Variants in LITAF observed in about 807,000 individuals in gnomAD.
LITAF encodes lipopolysaccharide-induced tumor necrosis factor-alpha factor.
Under a neutral mutation model 14.5 loss-of-function variants are expected in LITAF, and 9 were observed. The observed-to-expected ratio is 0.62, with a 90% CI of 0.37 to 1.08. The LOEUF is 1.08. LITAF is among the 50% of genes least tolerant of loss of function. The probability of loss-of-function intolerance (pLI) is 0.01; values close to 1 mark genes in which losing one functional copy is unlikely to be tolerated. For synonymous variants in LITAF, 98 were observed against 88.2 expected, an observed-to-expected ratio of 1.11 and a Z score of -0.62; for missense variants, 206 against 213.4, an observed-to-expected ratio of 0.97 and a Z score of 0.22.
upstream of LITAF, among the ~76,000 whole-genome samples, chr16:11,598,673 C>T (rs1204909206): frequency 6.6e-6 from 1 of 152,100 alleles, no homozygotes; most frequent in East Asian, 1.9e-4. Flanking sequence ...AAAGTTCCCT[C>T]TGGTCTCTTT....
intron 1 of LITAF, among the ~76,000 whole-genome samples, chr16:11,581,906 A>T (rs940478380): frequency 2.0e-5 from 3 of 152,298 alleles, no homozygotes; most frequent in Admixed American, 1.3e-4. Flanking sequence ...AGAAGTAGAG[A>T]AAAGAACTGT....
intron 1 of LITAF, among the ~76,000 whole-genome samples, chr16:11,594,135 G>A (rs1164182943): frequency 2.6e-5 from 4 of 151,584 alleles, no homozygotes; most frequent in Non-Finnish European, 5.9e-5. Flanking sequence ...GCAGTGAGCC[G>A]AGATGGCGCC....
chr16:11,621,355 C>T (rs967490395), intron 3 of LITAF, among the ~76,000 whole-genome samples: 18 of 152,180 alleles, frequency 1.2e-4, no homozygotes, highest in African/African-American at 3.9e-4. Flanking sequence ...TGAGCCACTG[C>T]ACCCAGCCCC....
chr16:11,563,803 G>C (rs1488065504), intron 1 of LITAF, among the ~76,000 whole-genome samples: 1 of 152,100 alleles, frequency 6.6e-6, no homozygotes, highest in Non-Finnish European at 1.5e-5. Context: ...CCTGGAGGCA[G>C]GGTGCCCAAA....
rs184785795 is a variant in LITAF at position 11,627,087 on chromosome 16, G to A, written c.85+6446C>T. Among the ~76,000 whole-genome samples the A allele has an allele frequency of 1.7e-3, 260 of 152,164 alleles. 1 individual carries two copies. Among genetic ancestry groups the A allele is most frequent in the African/African-American group, 5.2e-3 (214 of 41,512 alleles). ...CCTCTCTTACCTTTGCTGCAGACGC[G>A]TCCCTCCTTCCTAGCCCCAGGGGCT... On this transcript the variant is annotated intron_variant, in intron 3 of 3. Coordinates refer to the LITAF transcript ENST00000574848.
chr16:11,553,427 A>G lies in LITAF; in HGVS notation c.377+106T>C. 1 of 1,258,830 alleles carries G rather than the reference A, an allele frequency of 7.9e-7. No homozygotes were observed. The highest frequency in any genetic ancestry group is 1.1e-6 in the Non-Finnish European group (1 of 888,188). 78.0% of individuals were successfully genotyped at this position (1,258,830 alleles called of 1,614,324 possible). On this transcript the variant is annotated intron_variant, in intron 3 of 3. Coordinates refer to ENST00000622633, the MANE Select transcript of LITAF (RefSeq NM_001136472.2). The surrounding 1 kb of genome is among the most constrained non-coding windows in gnomAD (Gnocchi z 7.7). The stretch of plus-strand genomic sequence containing the variant: ...TTCCATCTCAAAAAAAAACAACACA[A>G]ATGTCTGGCCCTGAATGTCAAGCAT...
At chr16:11,565,999 A>C (rs1219768651) in intron 1 of LITAF, among the ~76,000 whole-genome samples, 3 of 151,996 alleles carry the variant, frequency 2.0e-5, no homozygotes, top group Non-Finnish European at 4.4e-5. Context: ...CAGTTTTCCC[A>C]TCCGTAAAAT....
chr16:11,615,034 C>T (rs1230204419), intron 3 of LITAF, among the ~76,000 whole-genome samples: 1 of 152,082 alleles, frequency 6.6e-6, no homozygotes, highest in South Asian at 2.1e-4. Context: ...GCAGCTGGCA[C>T]GGGGTGGATG....
At chr16:11,594,396 C>G (rs2064869050) in intron 1 of LITAF, among the ~76,000 whole-genome samples, 1 of 152,002 alleles carries the variant, frequency 6.6e-6, no homozygotes. Context: ...TGCCAATACC[C>G]CAGGAATCAC....
chr16:11,597,903 T>C (rs1043235093), intron 1 of LITAF, among the ~76,000 whole-genome samples: 2 of 152,022 alleles, frequency 1.3e-5, no homozygotes, highest in African/African-American at 4.8e-5. Flanking sequence ...AGCATGCTTT[T>C]TTGCTTTCTT....
chr16:11,592,999 T>A (rs12920586), intron 1 of LITAF, among the ~76,000 whole-genome samples: 63,872 of 151,778 alleles, frequency 0.42, 14,554 homozygotes, highest in African/African-American at 0.6. Context: ...TGAAACCCCG[T>A]CTGTACTAAA....
chr16:11,576,286 T>G (rs935475006), intron 1 of LITAF, among the ~76,000 whole-genome samples: 2 of 151,936 alleles, frequency 1.3e-5, no homozygotes, highest in Admixed American at 1.3e-4. Flanking sequence ...CTGGCCAACA[T>G]GGTGAAACCC....
chr16:11,559,499 T>C (rs2064324939), intron 1 of LITAF, among the ~76,000 whole-genome samples: 2 of 152,164 alleles, frequency 1.3e-5, no homozygotes, highest in African/African-American at 4.8e-5. Flanking sequence ...AAATGTTTTT[T>C]GATAAAAATT....
chr16:11,637,181 G>A (rs1352494848), upstream of LITAF, among the ~76,000 whole-genome samples: 5 of 152,190 alleles, frequency 3.3e-5, no homozygotes, highest in Non-Finnish European at 5.9e-5. Context: ...GCAGGCCACC[G>A]CGCCTGGTCT....
At chr16:11,616,697 A>G (rs1477698274) in intron 3 of LITAF, among the ~76,000 whole-genome samples, 1 of 151,952 alleles carries the variant, frequency 6.6e-6, no homozygotes, top group Non-Finnish European at 1.5e-5. Flanking sequence ...AGATGATCAT[A>G]AACATCAAAA....
chr16:11,577,952 A>G (rs8045369), intron 1 of LITAF, among the ~76,000 whole-genome samples: 118,981 of 151,978 alleles, frequency 0.78, 47,477 homozygotes, highest in African/African-American at 0.93. Context: ...CTGGCATGCA[A>G]TGGCTTGATC....
chr16:11,594,355 G>A (rs1313546558), intron 1 of LITAF, among the ~76,000 whole-genome samples: 2 of 151,958 alleles, frequency 1.3e-5, no homozygotes, highest in African/African-American at 4.8e-5. Flanking sequence ...AGCAAGAGGA[G>A]GCCAGGCAGG....
At chr16:11,610,446 G>A (rs908560169) in intron 3 of LITAF, among the ~76,000 whole-genome samples, 6 of 152,188 alleles carry the variant, frequency 3.9e-5, no homozygotes, top group Non-Finnish European at 8.8e-5. Flanking sequence ...GCCCCAGCCT[G>A]CACGCTGGGC....
intron 1 of LITAF, among the ~76,000 whole-genome samples, chr16:11,592,757 C>T (rs1183889054): frequency 6.6e-6 from 1 of 151,952 alleles, no homozygotes; most frequent in Non-Finnish European, 1.5e-5. Context: ...AATTTGGGGT[C>T]GGGCACGGTG....
Sources: gnomAD v4.1 joint callset for allele counts (sites outside exome capture counted in the v4.1 genomes callset) on GRCh38, gnomAD v4.1.1 for gene constraint, Gnocchi (gnomAD v3.1) non-coding constraint, MANE v1.5 for transcripts, NCBI Gene and HGNC (gene_info 2026-07-23, HGNC 2026-07-21) for gene names.